FRYL: variants seen among roughly 807,000 people sequenced by gnomAD.
FRYL encodes FRY like transcription coactivator, also known as protein furry homolog-like.
In FRYL, 150 loss-of-function variants were observed where a neutral mutation model predicts 351.2. That is an observed-to-expected ratio of 0.43 (90% CI 0.37 to 0.49). The LOEUF is 0.49. Among genes scored for constraint, FRYL ranks in the 20% least tolerant of loss-of-function variants. The pLI is 0.00. For synonymous variants in FRYL, 1,153 were observed against 1,257.1 expected, an observed-to-expected ratio of 0.92 and a Z score of 1.75; for missense variants, 3,036 against 3,619.3, an observed-to-expected ratio of 0.84 and a Z score of 4.13.
At chr4:48,519,877 G>A (rs897649832) in intron 55 of FRYL, among the ~76,000 whole-genome samples, 3 of 152,062 alleles carry the variant, frequency 2.0e-5, no homozygotes, top group African/African-American at 7.2e-5. Flanking sequence ...GGGACTACAC[G>A]TGTGCACCAC....
At chr4:48,753,702 T>C (rs1451081475) in intron 1 of FRYL, among the ~76,000 whole-genome samples, 2 of 152,202 alleles carry the variant, frequency 1.3e-5, no homozygotes, top group Non-Finnish European at 2.9e-5. Flanking sequence ...TTTAAGAAAG[T>C]TTTGCCTAAC....
rs527603064 is a variant in FRYL, at chr4:48,749,057, G to A, written c.-384+31021C>T. Among the ~76,000 whole-genome samples, 6 of 152,314 alleles carry A rather than the reference G, an allele frequency of 3.9e-5. No homozygotes were observed. The East Asian group carries it at 1.2e-3, about 29-fold the overall frequency. On this transcript the variant is annotated intron_variant, in intron 1 of 63. Coordinates refer to ENST00000358350, the MANE Select transcript of FRYL (RefSeq NM_015030.2). ...CAAGGCGATAAGCAACATCATAACA[G>A]ATGAGCAAGGAAACGGTAGGGGAAA...
chr4:48,738,316 C>G (rs139688682), intron 1 of FRYL, among the ~76,000 whole-genome samples: 207 of 152,254 alleles, frequency 1.4e-3, no homozygotes, highest in African/African-American at 4.6e-3. Context: ...CAACAATGAA[C>G]ACACAGAATT....
Position 48,575,190 on chromosome 4 carries a change from T to G in FRYL, c.2773A>C (p.Met925Leu). 1 of 1,613,900 alleles carries G rather than the reference T, an allele frequency of 6.2e-7. No homozygotes were observed. ...GTGATTTCCATGCTCTCAGAACGCA[T>G]CATTGGAACTATGTGCTTAAACAAG... ...SSLFKHIVPM[M>L]RSESMEITES... The change falls in exon 25 of 64, where the codon ATG (methionine) becomes CTG (leucine). Residue 925 changes from methionine to leucine, a missense_variant. Met to Leu is a conservative substitution (Grantham distance 15). Transcript: ENST00000358350.
chr4:48,632,992 C>G (rs1343911719), intron 4 of FRYL, among the ~76,000 whole-genome samples: 1 of 152,160 alleles, frequency 6.6e-6, no homozygotes, highest in Non-Finnish European at 1.5e-5. Flanking sequence ...AGTGCGCCGT[C>G]ACAAACCCTC....
At chr4:48,736,850 G>GAAAAAAAAAAAAAAAAAAAAAAAAA (rs368006420) in intron 1 of FRYL, among the ~76,000 whole-genome samples, 2 of 40,614 alleles carry the variant, frequency 4.9e-5, no homozygotes, top group Non-Finnish European at 8.8e-5. Context: ...ACTCTGTCTC[G>GAAAAAAAAAAAAAAAAAAAAAAAAA]AAAAAAAAAA....
At chr4:48,689,937 T>A (rs1002842047) in intron 2 of FRYL, among the ~76,000 whole-genome samples, 1 of 149,060 alleles carries the variant, frequency 6.7e-6, no homozygotes, top group Non-Finnish European at 1.5e-5. Context: ...CTCTTTGTCA[T>A]CCAGGCTGGA....
intron 9 of FRYL, among the ~76,000 whole-genome samples, chr4:48,608,649 A>G (rs1747358753): frequency 6.6e-6 from 1 of 152,228 alleles, no homozygotes; most frequent in Admixed American, 6.5e-5. Flanking sequence ...CTCACTTGGA[A>G]AATAATTATT....
chr4:48,594,097 C>T, intron 15 of FRYL, 81 bp from the exon 16 acceptor site: 1 of 758,478 alleles, frequency 1.3e-6, no homozygotes, highest in Non-Finnish European at 2.0e-6. Context: ...TATACAATGA[C>T]AACAAGACAG....
intron 49 of FRYL, among the ~76,000 whole-genome samples, chr4:48,533,041 AT>A (rs1202126974): frequency 4.6e-5 from 7 of 152,110 alleles, no homozygotes; most frequent in African/African-American, 1.7e-4. Context: ...CACTGGACCC[AT>A]ATTCTAACAT....
chr4:48,737,693 G>A (rs544115834), intron 1 of FRYL, among the ~76,000 whole-genome samples: 5 of 151,982 alleles, frequency 3.3e-5, no homozygotes, highest in Non-Finnish European at 7.4e-5. Flanking sequence ...GACTAATATC[G>A]ATCATGAACA....
chr4:48,676,266 T>C (rs1763657392), intron 3 of FRYL, among the ~76,000 whole-genome samples: 1 of 152,170 alleles, frequency 6.6e-6, no homozygotes, highest in Admixed American at 6.5e-5. Context: ...TTTGGGTCCA[T>C]GCTGCTTTTA....
rs1230159210 is a variant in FRYL at position 48,615,062 on chromosome 4, G to A, written c.411+4212C>T. Among the ~76,000 whole-genome samples the A allele has an allele frequency of 2.0e-5, 3 of 152,012 alleles. No individual in the cohort carries two copies. The East Asian group carries it at 5.8e-4, about 30-fold the overall frequency. ...AAGATGGTCTCGATCTCCTGACCTC[G>A]TGATCCACCCGTCTCGGCCTCACAA... is the stretch of plus-strand genomic sequence containing the variant. On this transcript the variant is annotated intron_variant, in intron 7 of 63. Coordinates refer to ENST00000358350, the MANE Select transcript of FRYL (RefSeq NM_015030.2).
intron 2 of FRYL, among the ~76,000 whole-genome samples, chr4:48,687,372 C>T (rs1156765795): frequency 2.0e-5 from 3 of 151,768 alleles, no homozygotes; most frequent in Admixed American, 6.6e-5. Flanking sequence ...ACAGCACAAG[C>T]TTTGAAGGGC....
intron 2 of FRYL, among the ~76,000 whole-genome samples, chr4:48,693,833 A>G (rs746175398): frequency 1.8e-4 from 28 of 152,218 alleles, no homozygotes; most frequent in Non-Finnish European, 3.1e-4. Flanking sequence ...GAATACAATT[A>G]GGCCTCTGTA....
intron 3 of FRYL, among the ~76,000 whole-genome samples, chr4:48,659,983 AAGC>A (rs760892980): frequency 6.7e-6 from 1 of 148,808 alleles, no homozygotes; most frequent in African/African-American, 2.5e-5. Context: ...GAGGAGGAGG[AAGC>A]AGCAGCAGCA....
chr4:48,516,853 G>A (rs1723730609), intron 55 of FRYL, among the ~76,000 whole-genome samples: 1 of 152,112 alleles, frequency 6.6e-6, no homozygotes, highest in Non-Finnish European at 1.5e-5. Flanking sequence ...ACTCAATGAT[G>A]GGAAAGCTCT....
chr4:48,517,397 A>G (rs1723860496), intron 55 of FRYL, among the ~76,000 whole-genome samples: 1 of 152,244 alleles, frequency 6.6e-6, no homozygotes, highest in South Asian at 2.1e-4. Flanking sequence ...TTAGTATTAT[A>G]TAACATACAA....
intron 7 of FRYL, among the ~76,000 whole-genome samples, chr4:48,616,762 A>G (rs1274501889): frequency 6.6e-6 from 1 of 152,260 alleles, no homozygotes; most frequent in Non-Finnish European, 1.5e-5. Context: ...ACAACCATTT[A>G]TCAACACTTC....
Sources: allele counts gnomAD v4.1 joint callset (sites outside exome capture counted in the v4.1 genomes callset), GRCh38; gene constraint gnomAD v4.1.1; transcripts MANE v1.5; gene names NCBI Gene and HGNC (gene_info 2026-07-23, HGNC 2026-07-21).